APP: variants seen among roughly 807,000 people sequenced by gnomAD.
APP encodes amyloid beta precursor protein.
A neutral mutation model predicts 101.4 loss-of-function variants in APP; 31 were observed. That is an observed-to-expected ratio of 0.31 (90% CI 0.23 to 0.41). APP has a LOEUF of 0.41. Ranked by LOEUF, APP falls within the 10% of genes least tolerant of loss-of-function variation. The pLI, the probability that APP is intolerant of heterozygous loss-of-function variation, is 1.00. For synonymous variants in APP, 366 were observed against 364.4 expected (o/e 1.00, Z -0.05); for missense variants, 839 against 1,003.7 (o/e 0.84, Z 2.22).
chr21:25,924,502 C>G (rs1432407701), intron 13 of APP, among the ~76,000 whole-genome samples: 1 of 131,510 alleles, frequency 7.6e-6, no homozygotes, highest in Non-Finnish European at 1.6e-5. Context: ...CCTCAGCAAA[C>G]TAACATAGGA....
chr21:25,993,474 C>T (rs1036284388), intron 8 of APP, among the ~76,000 whole-genome samples: 1 of 152,204 alleles, frequency 6.6e-6, no homozygotes, highest in African/African-American at 2.4e-5. Flanking sequence ...GCTGGTTTCT[C>T]TTCTGCTGCC....
chr21:26,011,753 T>C (rs2146730077), intron 6 of APP, among the ~76,000 whole-genome samples: 1 of 151,748 alleles, frequency 6.6e-6, no homozygotes, highest in East Asian at 1.9e-4. Flanking sequence ...CCAGAACAGA[T>C]GCAATCATAA....
rs759517529 is a variant in APP, at chr21:26,051,088, C to T, written c.574G>A (p.Glu192Lys). 16 of 1,614,208 alleles carry T rather than the reference C, an allele frequency of 9.9e-6. No individual in the cohort carries two copies. Among genetic ancestry groups the T allele is most frequent in the South Asian group, 8.8e-5 (8 of 91,088 alleles). Residue 192 changes from glutamate (E) to lysine (K), a missense_variant, in exon 5 of 18, where the codon GAA (glutamate) becomes AAA (lysine). Glu to Lys is a moderately conservative substitution (Grantham distance 56). Transcript: ENST00000346798. ...TCAGCAGAATCCACATTGTCACTTTCTTCAGCCAGTGGGCAACACACAAAC... is the reference window on the plus strand; with the variant it reads ...TCAGCAGAATCCACATTGTCACTTTTTTCAGCCAGTGGGCAACACACAAAC... ...VEFVCCPLAE[E>K]SDNVDSADAE...
chr21:26,108,561 T>A (rs2062236685), intron 2 of APP, among the ~76,000 whole-genome samples: 1 of 152,052 alleles, frequency 6.6e-6, no homozygotes, highest in African/African-American at 2.4e-5. Context: ...TTTGTTTAAA[T>A]GCAAATCTAC....
At chr21:26,016,952 G>T (rs1390536855) in intron 6 of APP, among the ~76,000 whole-genome samples, 5 of 29,270 alleles carry the variant, frequency 1.7e-4, no homozygotes, top group South Asian at 1.2e-3. Context: ...GGCGGGGGGC[G>T]GGGGGTGCCG....
At chr21:25,951,164 A>G (rs1275548338) in intron 13 of APP, among the ~76,000 whole-genome samples, 1 of 152,198 alleles carries the variant, frequency 6.6e-6, no homozygotes, top group African/African-American at 2.4e-5. Context: ...ACTCACAAGC[A>G]TGATGAACCC....
At chr21:25,908,915 G>A (rs542848753) in intron 14 of APP, among the ~76,000 whole-genome samples, 1 of 152,240 alleles carries the variant, frequency 6.6e-6, no homozygotes, top group African/African-American at 2.4e-5. Context: ...CAGGAGTTCA[G>A]GGGTATGGGG....
chr21:25,918,746 G>A (rs1263692670), intron 13 of APP, among the ~76,000 whole-genome samples: 2 of 151,058 alleles, frequency 1.3e-5, no homozygotes, highest in Non-Finnish European at 2.9e-5. Context: ...ACGGAATCGC[G>A]CTGATTGCTA....
intron 5 of APP, among the ~76,000 whole-genome samples, chr21:26,048,963 T>A (rs1601322563): frequency 6.6e-6 from 1 of 152,172 alleles, no homozygotes; most frequent in Non-Finnish European, 1.5e-5. Flanking sequence ...GGTTTTAGGA[T>A]GCCAGGAGAG....
chr21:25,912,085 A>G (rs1020391928), intron 13 of APP, 123 bp from the exon 14 acceptor site: 8 of 770,222 alleles, frequency 1.0e-5, no homozygotes, highest in Admixed American at 4.0e-5. Context: ...GATCGCGTTT[A>G]GAGCCATGAC....
At chr21:25,930,580 C>T (rs555991604) in intron 13 of APP, among the ~76,000 whole-genome samples, 174 of 99,062 alleles carry the variant, frequency 1.8e-3, no homozygotes, top group African/African-American at 6.9e-3. Context: ...TGTGTAATAG[C>T]ACAAATTATA....
chr21:26,104,933 T>C (rs1011201141), intron 2 of APP, among the ~76,000 whole-genome samples: 1 of 152,028 alleles, frequency 6.6e-6, no homozygotes, highest in Non-Finnish European at 1.5e-5. Flanking sequence ...TAGTTATCTC[T>C]AAAATATTTT....
chr21:25,999,691 C>T (rs962074857), intron 7 of APP, among the ~76,000 whole-genome samples: 10 of 152,130 alleles, frequency 6.6e-5, no homozygotes, highest in Non-Finnish European at 8.8e-5. Context: ...TTTGCAGAAA[C>T]GGCTGGCTGC....
intron 8 of APP, among the ~76,000 whole-genome samples, chr21:25,984,348 C>G (rs2042557992): frequency 6.6e-6 from 1 of 152,022 alleles, no homozygotes; most frequent in African/African-American, 2.4e-5. Flanking sequence ...GAATTACACA[C>G]AGGATCACAA....
At chr21:26,123,461 C>T (rs2062617093) in intron 1 of APP, among the ~76,000 whole-genome samples, 1 of 152,174 alleles carries the variant, frequency 6.6e-6, no homozygotes, top group Admixed American at 6.5e-5. Context: ...ACTTGGAACA[C>T]TAAAGAATAC....
At chr21:26,099,522 T>C (rs1344120995) in intron 2 of APP, among the ~76,000 whole-genome samples, 1 of 152,224 alleles carries the variant, frequency 6.6e-6, no homozygotes, top group Admixed American at 6.5e-5. Context: ...AAGAGTATAT[T>C]AATCATAAAT....
At chr21:25,900,562 AAAAT>A (rs761323719) in intron 15 of APP, among the ~76,000 whole-genome samples, 19 of 152,024 alleles carry the variant, frequency 1.2e-4, no homozygotes, top group East Asian at 7.8e-4. Context: ...TCTGTCTCCA[AAAAT>A]AAATAAATAA....
At chr21:26,168,910 T>C (rs539905649) in intron 1 of APP, among the ~76,000 whole-genome samples, 151 of 152,296 alleles carry the variant, frequency 9.9e-4, no homozygotes, top group Non-Finnish European at 1.6e-3. Flanking sequence ...AAAAAACTAA[T>C]GGTGTGATAG....
At chr21:26,156,980 T>C (rs1212569385) in intron 1 of APP, among the ~76,000 whole-genome samples, 1 of 152,190 alleles carries the variant, frequency 6.6e-6, no homozygotes, top group African/African-American at 2.4e-5. Flanking sequence ...TTTTCATGTG[T>C]TTTTCTGAAG....
Sources: gnomAD v4.1 joint callset for allele counts (sites outside exome capture counted in the v4.1 genomes callset) on GRCh38, gnomAD v4.1.1 for gene constraint, MANE v1.5 for transcripts, NCBI Gene and HGNC (gene_info 2026-07-23, HGNC 2026-07-21) for gene names.